Variants in CD96 observed in about 807,000 individuals in gnomAD.
The protein encoded by CD96 is CD96 molecule, also known as T-cell surface protein tactile.
CD96 carries 70 observed loss-of-function variants against 71.3 expected under a neutral mutation model. The ratio of observed to expected loss-of-function variants is 0.98; its 90% confidence interval spans 0.81 to 1.20. The LOEUF is 1.20. CD96 is among the 50% of genes most tolerant of loss of function. The pLI is 0.00. For synonymous variants in CD96, 248 were observed against 233.0 expected (o/e 1.06, Z -0.59); for missense variants, 742 against 677.5 (o/e 1.10, Z -1.06).
chr3:111,621,983 T>C (rs1268723450), intron 8 of CD96, among the ~76,000 whole-genome samples: 1 of 152,216 alleles, frequency 6.6e-6, no homozygotes, highest in South Asian at 2.1e-4. Context: ...TGGGAGGCAG[T>C]GAGCTAGAAG....
At chr3:111,657,017 G>GA (rs999815713), downstream of CD96, among the ~76,000 whole-genome samples, 14 of 150,342 alleles carry the variant, frequency 9.3e-5, no homozygotes, top group South Asian at 1.9e-3. Context: ...ATAAGAACAG[G>GA]AAAAAAAACT....
chr3:111,553,113 TA>T (rs564499213), intron 2 of CD96, among the ~76,000 whole-genome samples: 116 of 148,090 alleles, frequency 7.8e-4, no homozygotes, highest in Middle Eastern at 3.5e-3. Context: ...CCACCAAAAC[TA>T]AAAAAAAATT....
At chr3:111,606,822 T>C in intron 8 of CD96, 30 bp downstream of exon 8, 1 of 1,207,072 alleles carries the variant, frequency 8.3e-7, no homozygotes, top group Non-Finnish European at 1.2e-6. Context: ...GAGCTATTGA[T>C]TTAACCAAGC....
At chr3:111,627,261 G>T (rs1233851370) in intron 10 of CD96, among the ~76,000 whole-genome samples, 1 of 152,172 alleles carries the variant, frequency 6.6e-6, no homozygotes, top group Non-Finnish European at 1.5e-5. Context: ...TTGTGGGAGG[G>T]GTGGGCCATC....
chr3:111,563,526 A>G (rs771985898), intron 2 of CD96, among the ~76,000 whole-genome samples: 4 of 152,224 alleles, frequency 2.6e-5, no homozygotes, highest in Non-Finnish European at 4.4e-5. Flanking sequence ...TGATTTTTCA[A>G]TAAGAAATGC....
chr3:111,571,362 T>C (rs1376112644), intron 3 of CD96, among the ~76,000 whole-genome samples: 1 of 151,708 alleles, frequency 6.6e-6, no homozygotes, highest in Non-Finnish European at 1.5e-5. Flanking sequence ...TTCATTGTTC[T>C]CATATTAAAT....
At chr3:111,563,837 G>T (rs1357645979) in intron 2 of CD96, among the ~76,000 whole-genome samples, 2 of 152,138 alleles carry the variant, frequency 1.3e-5, no homozygotes, top group Non-Finnish European at 2.9e-5. Context: ...AGTTTGAAAT[G>T]TATTCTATTG....
downstream of CD96, among the ~76,000 whole-genome samples, chr3:111,653,498 G>A (rs78979956): frequency 7.9e-3 from 1,198 of 152,290 alleles, 18 homozygotes; most frequent in African/African-American, 0.027. Flanking sequence ...AAGAAGATAT[G>A]GTTGACTTCC....
chr3:111,554,592 A>C (rs1422920274), intron 2 of CD96, among the ~76,000 whole-genome samples: 1 of 152,106 alleles, frequency 6.6e-6, no homozygotes, highest in East Asian at 1.9e-4. Flanking sequence ...CAAACTATAA[A>C]GTACACGTAT....
intron 2 of CD96, among the ~76,000 whole-genome samples, chr3:111,559,122 C>A (rs1264564484): frequency 6.6e-6 from 1 of 150,534 alleles, no homozygotes; most frequent in African/African-American, 2.4e-5. Flanking sequence ...GTCTTGCTAG[C>A]GGTCTATCAA....
At chr3:111,570,176 G>A (rs1935910951) in intron 3 of CD96, among the ~76,000 whole-genome samples, 1 of 152,202 alleles carries the variant, frequency 6.6e-6, no homozygotes, top group Non-Finnish European at 1.5e-5. Context: ...AGGGTGGGGA[G>A]GGGGTAAGTG....
intron 2 of CD96, among the ~76,000 whole-genome samples, chr3:111,555,828 C>T (rs948213113): frequency 1.3e-5 from 2 of 152,298 alleles, no homozygotes; most frequent in Admixed American, 6.5e-5. Flanking sequence ...AAGTTTTTGG[C>T]CATTTTTTCT....
intron 8 of CD96, among the ~76,000 whole-genome samples, chr3:111,607,638 A>T (rs1937685590): frequency 1.3e-5 from 2 of 152,238 alleles, no homozygotes; most frequent in African/African-American, 4.8e-5. Context: ...TGAAAATGGA[A>T]TAAAACAAAA....
intron 12 of CD96, among the ~76,000 whole-genome samples, chr3:111,646,766 C>T (rs755006674): frequency 9.9e-5 from 15 of 151,994 alleles, no homozygotes; most frequent in Non-Finnish European, 1.9e-4. Context: ...CACATGGACA[C>T]GTATGTTTAT....
rs1419914543 is a variant in CD96, at chr3:111,623,742, T to C, written c.1181-12T>C. 1 of 1,583,994 alleles carries C rather than the reference T, an allele frequency of 6.3e-7. No homozygotes were observed. The highest frequency in any genetic ancestry group is 1.7e-5 in the Admixed American group (1 of 59,988). On this transcript the variant is annotated splice_polypyrimidine_tract_variant and intron_variant, in intron 8 of 13. Transcript: ENST00000352690. ...TACATATAATAATTTGGGAATTTTA[T>C]TTTCAAAATAGGATATCCAGCTACA...
chr3:111,592,290 A>G (rs766367095), intron 5 of CD96, among the ~76,000 whole-genome samples: 1 of 152,186 alleles, frequency 6.6e-6, no homozygotes, highest in African/African-American at 2.4e-5. Flanking sequence ...CTCTCTCCCT[A>G]TAGACTGTTA....
At chr3:111,589,416 C>CT (rs1451982256) in intron 5 of CD96, among the ~76,000 whole-genome samples, 27 of 152,310 alleles carry the variant, frequency 1.8e-4, no homozygotes, top group Middle Eastern at 3.4e-3. Flanking sequence ...CTTCTCTACC[C>CT]TTGCTTTAGT....
intron 4 of CD96, among the ~76,000 whole-genome samples, chr3:111,580,816 T>A (rs1475613225): frequency 6.6e-6 from 1 of 152,184 alleles, no homozygotes; most frequent in East Asian, 1.9e-4. Context: ...TCATCTCTTT[T>A]GCTATCACCA....
chr3:111,553,946 G>A (rs73228124), intron 2 of CD96, among the ~76,000 whole-genome samples: 5,518 of 151,792 alleles, frequency 0.036, 152 homozygotes, highest in Non-Finnish European at 0.056. Flanking sequence ...TATATTGTTT[G>A]CAATGCAGCA....
Sources: gnomAD v4.1 joint callset for allele counts (sites outside exome capture counted in the v4.1 genomes callset) on GRCh38, gnomAD v4.1.1 for gene constraint, MANE v1.5 for transcripts, NCBI Gene and HGNC (gene_info 2026-07-23, HGNC 2026-07-21) for gene names.